The following TRAF2 variants were observed in gnomAD, a reference collection of about 807,000 sequenced individuals.
TRAF2 encodes the protein TNF receptor-associated factor 2.
In TRAF2, 6 loss-of-function variants were observed where a neutral mutation model predicts 55.6. That is an observed-to-expected ratio of 0.11 (90% CI 0.06 to 0.21). The LOEUF (loss-of-function observed/expected upper bound fraction) is 0.21. Ranked by LOEUF, TRAF2 falls within the 10% of genes least tolerant of loss-of-function variation. The pLI is 1.00. For missense variants in TRAF2, 561 were observed against 684.5 expected, an observed-to-expected ratio of 0.82 and a Z score of 2.01; for synonymous variants, 329 against 276.3, an observed-to-expected ratio of 1.19 and a Z score of -1.89.
chr9:136,884,060 T>C (rs189183043), upstream of TRAF2, among the ~76,000 whole-genome samples: 25 of 151,970 alleles, frequency 1.6e-4, no homozygotes, highest in Non-Finnish European at 3.7e-4. Flanking sequence ...CTTGACCTCA[T>C]GATCTGCCCA....
upstream of TRAF2, chr9:136,886,469 C>G: frequency 1.0e-6 from 1 of 995,170 alleles, no homozygotes; most frequent in Non-Finnish European, 1.2e-6. Context: ...CGCGGCGGAG[C>G]GGCGGCGGCG....
At chr9:136,890,780 C>G (rs1316789850) in intron 1 of TRAF2, among the ~76,000 whole-genome samples, 1 of 152,230 alleles carries the variant, frequency 6.6e-6, no homozygotes, top group African/African-American at 2.4e-5. Context: ...ACCGGGCTGC[C>G]TGCCGTGTCC....
chr9:136,885,484 CCT>C (rs747157376), upstream of TRAF2, among the ~76,000 whole-genome samples: 10 of 152,280 alleles, frequency 6.6e-5, no homozygotes, highest in South Asian at 2.1e-4. Context: ...TAGGGCAGCC[CCT>C]GTTTTGGCCG....
intron 4 of TRAF2, among the ~76,000 whole-genome samples, chr9:136,904,597 C>T (rs908424909): frequency 2.2e-4 from 34 of 151,646 alleles, no homozygotes; most frequent in Non-Finnish European, 2.4e-4. Context: ...TTAGTAGAGA[C>T]GGGGTTTCAC....
chr9:136,885,003 T>C (rs1205024482), upstream of TRAF2, among the ~76,000 whole-genome samples: 2 of 152,240 alleles, frequency 1.3e-5, no homozygotes. Context: ...AGGTGCGGAC[T>C]TGGGACGTTT....
At position 136,899,660 on chromosome 9, in the gene TRAF2, A is replaced by G. The variant is rs1849769450; in HGVS notation, c.255A>G (p.Leu85=). Residue 85 remains leucine, a synonymous_variant, in exon 3 of 11, where the codon TTA becomes TTG. Coordinates refer to ENST00000247668, the MANE Select transcript of TRAF2 (RefSeq NM_021138.4). ...EGIYEEGISI[L]ESSSAFPDNA... is the part of the protein sequence containing the mutation. ...TATATGAAGAAGGCATTTCTATTTT[A>G]GAAAGCAGTTCGGTAAGTAAAATGT... 2 of 1,612,822 alleles carry G rather than the reference A, an allele frequency of 1.2e-6. No homozygotes were observed. Among genetic ancestry groups the G allele is most frequent in the Non-Finnish European group, 1.7e-6 (2 of 1,179,030 alleles).
At chr9:136,909,515 A>G (rs959193830) in intron 5 of TRAF2, among the ~76,000 whole-genome samples, 1 of 152,114 alleles carries the variant, frequency 6.6e-6, no homozygotes, top group Non-Finnish European at 1.5e-5. Flanking sequence ...TGGGGTGCCA[A>G]GCCCTCCGCA....
chr9:136,910,346 T>TTCA (rs1435866911), intron 6 of TRAF2, among the ~76,000 whole-genome samples: 1 of 152,210 alleles, frequency 6.6e-6, no homozygotes, highest in Non-Finnish European at 1.5e-5. Flanking sequence ...AAGCTGAATG[T>TTCA]TTGCAGCAAG....
chr9:136,894,730 G>C (rs1464380234), intron 1 of TRAF2, among the ~76,000 whole-genome samples: 1 of 152,148 alleles, frequency 6.6e-6, no homozygotes, highest in East Asian at 1.9e-4. Flanking sequence ...CAGAGAGCAG[G>C]GTCGGGGCCA....
At position 136,925,748 on chromosome 9, in the gene TRAF2, G is replaced by A; in HGVS notation, c.1353G>A (p.Val451=). The A allele has an allele frequency of 6.2e-7, 1 of 1,614,260 alleles. No individual in the cohort carries two copies. The highest frequency in any genetic ancestry group is 1.3e-5 in the African/African-American group (1 of 75,078). ...TGATTGACGCCTTCAGGCCCGACGTGACTTCATCCTCTTTTCAGAGGCCAG... is the reference window on the plus strand; with the variant it reads ...TGATTGACGCCTTCAGGCCCGACGTAACTTCATCCTCTTTTCAGAGGCCAG... ...EHVIDAFRPD[V]TSSSFQRPVN... The change falls in exon 11 of 11, where the codon GTG becomes GTA. Residue 451 remains valine (V), a synonymous_variant. Transcript: ENST00000247668.
At chr9:136,883,917 G>A (rs1468448934), upstream of TRAF2, among the ~76,000 whole-genome samples, 1 of 151,084 alleles carries the variant, frequency 6.6e-6, no homozygotes, top group African/African-American at 2.4e-5. Context: ...CGCCTCCCGG[G>A]TTCAAGTGAA....
chr9:136,920,648 TC>T, intron 8 of TRAF2, 133 bp downstream of exon 8: 1 of 1,258,788 alleles, frequency 7.9e-7, no homozygotes, highest in Non-Finnish European at 1.1e-6. Flanking sequence ...CAAACCCCAG[TC>T]CAGTGTGGTT....
chr9:136,901,677 G>T (rs1849823270), intron 4 of TRAF2, among the ~76,000 whole-genome samples: 1 of 152,224 alleles, frequency 6.6e-6, no homozygotes, highest in Non-Finnish European at 1.5e-5. Flanking sequence ...CCCCAGGTTG[G>T]TGAGGCTGTG....
At position 136,920,089 on chromosome 9, in the gene TRAF2, A is replaced by G. The variant is rs1160097720; in HGVS notation, c.679-145A>G. On this transcript the variant is annotated intron_variant, in intron 7 of 10. Transcript: ENST00000247668. ...CAGTCTGTCATACACAAGAAGGATC[A>G]GCCATGACCAGGCCACCCAGGCATC... is the stretch of plus-strand genomic sequence containing the variant. The G allele has an allele frequency of 7.1e-6, 7 of 984,730 alleles. No homozygotes were observed. In the East Asian group the frequency reaches 1.1e-4, roughly 15 times the overall value. The allele number at this position is 984,730 out of a possible 1,614,324, so 61.0% of individuals were successfully genotyped here. A position where few individuals can be genotyped will look rare whatever the true frequency, so the allele number is the denominator to read the frequency against.
chr9:136,888,738 A>C (rs1368506379), intron 1 of TRAF2, among the ~76,000 whole-genome samples: 1 of 152,184 alleles, frequency 6.6e-6, no homozygotes, highest in Non-Finnish European at 1.5e-5. Context: ...ATGTTCACAC[A>C]CCAGAGTCAG....
intron 1 of TRAF2, among the ~76,000 whole-genome samples, chr9:136,891,360 G>A (rs1049885217): frequency 1.3e-5 from 2 of 151,878 alleles, no homozygotes; most frequent in Non-Finnish European, 1.5e-5. Flanking sequence ...CGCCCGCCTC[G>A]GCCTCCCAAA....
rs1341394040 is a variant in TRAF2, at chr9:136,886,562, G to C, written c.-29+21G>C. 6 of 983,470 alleles carry C rather than the reference G, an allele frequency of 6.1e-6. No individual in the cohort carries two copies. The African/African-American group carries it at 7.0e-5, about 12-fold the overall frequency. 60.9% of individuals were successfully genotyped at this position (983,470 alleles called of 1,614,324 possible). On this transcript the variant is annotated intron_variant, in intron 1 of 10. Coordinates refer to ENST00000247668, the MANE Select transcript of TRAF2 (RefSeq NM_021138.4). Reference sequence around the variant, plus strand: ...GTTGGGTGAGGCGAGCGCGGGGTCGGGTGCGGGGTCGGGCGCGGGCGCGGG... The same window carrying C: ...GTTGGGTGAGGCGAGCGCGGGGTCGCGTGCGGGGTCGGGCGCGGGCGCGGG...
chr9:136,891,351 G>A (rs564844851), intron 1 of TRAF2, among the ~76,000 whole-genome samples: 3 of 151,660 alleles, frequency 2.0e-5, no homozygotes, highest in African/African-American at 4.8e-5. Context: ...CTCATGATCC[G>A]CCCGCCTCGG....
At chr9:136,924,990 G>A (rs1019496757) in intron 10 of TRAF2, among the ~76,000 whole-genome samples, 5 of 152,182 alleles carry the variant, frequency 3.3e-5, no homozygotes, top group Non-Finnish European at 5.9e-5. Flanking sequence ...GCCCACCTTG[G>A]CCTCCCAAAG....
Sources: gnomAD v4.1 joint callset for allele counts (sites outside exome capture counted in the v4.1 genomes callset) on GRCh38, gnomAD v4.1.1 for gene constraint, MANE v1.5 for transcripts, NCBI Gene and HGNC (gene_info 2026-07-23, HGNC 2026-07-21) for gene names.